Variants in FAM120A observed in about 807,000 individuals in gnomAD.
FAM120A encodes the protein family with sequence similarity 120 member A, also known as constitutive coactivator of PPAR-gamma-like protein 1.
Under a neutral mutation model 109.7 loss-of-function variants are expected in FAM120A, and 15 were observed. The observed-to-expected ratio is 0.14, with a 90% CI of 0.09 to 0.21. The LOEUF is 0.21. Among genes scored for constraint, FAM120A ranks in the 10% least tolerant of loss-of-function variants. The pLI, the probability that FAM120A is intolerant of heterozygous loss-of-function variation, is 1.00. For synonymous variants in FAM120A, 493 were observed against 572.8 expected (o/e 0.86, Z 1.99); for missense variants, 899 against 1,439.3 (o/e 0.62, Z 6.07).
intron 11 of FAM120A, among the ~76,000 whole-genome samples, chr9:93,549,390 A>AGTTAAAGTGTGTAAG (rs1564357534): frequency 6.6e-6 from 1 of 152,250 alleles, no homozygotes; most frequent in Non-Finnish European, 1.5e-5. Flanking sequence ...ACAGTAGATG[A>AGTTAAAGTGTGTAAG]GTTAAAGTGT....
At chr9:93,476,136 A>G in intron 2 of FAM120A, 120 bp from the exon 3 acceptor site, 1 of 632,900 alleles carries the variant, frequency 1.6e-6, no homozygotes, top group South Asian at 1.9e-5. Context: ...AGAGATGAAG[A>G]TTTGTTCTCA....
chr9:93,484,623 G>A (rs1858956741), intron 3 of FAM120A, among the ~76,000 whole-genome samples: 1 of 152,100 alleles, frequency 6.6e-6, no homozygotes. Context: ...ACCCAGGCTG[G>A]AGTGCAGTGG....
intron 11 of FAM120A, among the ~76,000 whole-genome samples, chr9:93,546,151 C>T (rs1300767523): frequency 6.6e-6 from 1 of 152,086 alleles, no homozygotes; most frequent in Non-Finnish European, 1.5e-5. Flanking sequence ...CAATTAAAGA[C>T]ATGTTTTTAT....
intron 1 of FAM120A, among the ~76,000 whole-genome samples, chr9:93,464,588 G>A (rs183780344): frequency 3.3e-5 from 5 of 152,284 alleles, no homozygotes; most frequent in East Asian, 1.9e-4. Flanking sequence ...AATGCTCCTC[G>A]GGGTTGTTTA....
intron 3 of FAM120A, among the ~76,000 whole-genome samples, chr9:93,480,932 T>G (rs1474232352): frequency 1.3e-5 from 2 of 152,190 alleles, no homozygotes; most frequent in Non-Finnish European, 2.9e-5. Flanking sequence ...CAGTGTTGCA[T>G]GAGAGAAATG....
chr9:93,564,034 G>T (rs552519405), intron 17 of FAM120A, among the ~76,000 whole-genome samples, 195 bp from the exon 18 acceptor site: 2 of 152,342 alleles, frequency 1.3e-5, no homozygotes, highest in South Asian at 4.1e-4. Context: ...GAGGGAAGGG[G>T]CCATGGAGGG....
chr9:93,551,263 C>G (rs1357729475), intron 12 of FAM120A, among the ~76,000 whole-genome samples: 1 of 152,072 alleles, frequency 6.6e-6, no homozygotes, highest in African/African-American at 2.4e-5. Context: ...TCTAGTAATT[C>G]CTTTTGTTCT....
rs562144485 is a variant in FAM120A at position 93,540,964 on chromosome 9, T to A, written c.1910-2258T>A. 2.0e-5 allele frequency among the ~76,000 whole-genome samples: 3 copies of A among 151,872 alleles called. No individual in the cohort carries two copies. The South Asian group carries it at 6.2e-4, about 32-fold the overall frequency. On this transcript the variant is annotated intron_variant, in intron 10 of 17. Coordinates refer to ENST00000277165, the MANE Select transcript of FAM120A (RefSeq NM_014612.5). ...AAAAATGAAAAAGTTAAAGGCCAAT[T>A]TAGTAAGAATGCCTCTCTTTATAAC...
At position 93,561,222 on chromosome 9, in the gene FAM120A, G is replaced by T. The variant is rs754873227; in HGVS notation, c.2920G>T (p.Val974Leu). 1.2e-6 allele frequency: 2 copies of T among 1,613,074 alleles called. No individual in the cohort carries two copies. Among genetic ancestry groups the T allele is most frequent in the Non-Finnish European group, 1.7e-6 (2 of 1,179,734 alleles). Residue 974 changes from valine (V) to leucine (L), a missense_variant, in exon 16 of 18, where the codon GTG becomes TTG. Val to Leu is a conservative substitution (Grantham distance 32). Around this residue, in one of 11 missense-constraint regions of FAM120A, gnomAD observed 170 missense variants for 205.0 expected, o/e 0.83. Transcript: ENST00000277165. The stretch of plus-strand genomic sequence containing the variant: ...GGGCCGGGGGCCTTTCCCCCTGCAG[G>T]TGGTTTCTGTCGGAGGACCAGCTAG... Reference protein sequence around the residue: ...RGGRGPFPLQVVSVGGPARGR... With the variant: ...RGGRGPFPLQLVSVGGPARGR...
chr9:93,510,952 A>G (rs397834984), intron 5 of FAM120A, among the ~76,000 whole-genome samples: 14 of 151,784 alleles, frequency 9.2e-5, no homozygotes, highest in African/African-American at 1.7e-4. Context: ...TCAGGGATGG[A>G]AAGGATTTGG....
intron 1 of FAM120A, among the ~76,000 whole-genome samples, chr9:93,464,301 G>A (rs1857918504): frequency 6.6e-6 from 1 of 152,186 alleles, no homozygotes; most frequent in Non-Finnish European, 1.5e-5. Context: ...TAAAACTACT[G>A]AGATAAAAAG....
At chr9:93,524,005 A>G (rs936135284) in intron 7 of FAM120A, among the ~76,000 whole-genome samples, 6 of 152,244 alleles carry the variant, frequency 3.9e-5, no homozygotes, top group Non-Finnish European at 7.3e-5. Flanking sequence ...GCATCTGTCC[A>G]GCCAGGCTGA....
intron 5 of FAM120A, among the ~76,000 whole-genome samples, chr9:93,503,268 G>A (rs1388774101): frequency 1.3e-5 from 2 of 152,072 alleles, no homozygotes; most frequent in East Asian, 1.9e-4. Flanking sequence ...TTATGTCTAC[G>A]CAAAAACCTG....
chr9:93,491,671 C>T (rs1020308189), intron 3 of FAM120A, among the ~76,000 whole-genome samples: 6 of 152,122 alleles, frequency 3.9e-5, no homozygotes, highest in African/African-American at 1.2e-4. Context: ...ATTTCAGTCA[C>T]AGTTAGTGAA....
chr9:93,504,649 G>C (rs920504466), intron 5 of FAM120A, among the ~76,000 whole-genome samples: 1 of 151,988 alleles, frequency 6.6e-6, no homozygotes, highest in East Asian at 1.9e-4. Flanking sequence ...TTTTAATGCT[G>C]TGCAGCATTC....
At chr9:93,468,888 A>G (rs1588792596) in intron 1 of FAM120A, among the ~76,000 whole-genome samples, 1 of 152,344 alleles carries the variant, frequency 6.6e-6, no homozygotes, top group South Asian at 2.1e-4. Flanking sequence ...CTGTTTTACA[A>G]TACTGACAGC....
At chr9:93,523,834 C>T (rs1024726295) in intron 7 of FAM120A, among the ~76,000 whole-genome samples, 2 of 152,258 alleles carry the variant, frequency 1.3e-5, no homozygotes, top group African/African-American at 4.8e-5. Context: ...GTGAAGGAAA[C>T]TGAATGTGTG....
chr9:93,475,779 C>T (rs1858522936), intron 2 of FAM120A, among the ~76,000 whole-genome samples: 1 of 152,156 alleles, frequency 6.6e-6, no homozygotes. Flanking sequence ...ATGTTACAAT[C>T]AGCAGTCATT....
intron 2 of FAM120A, among the ~76,000 whole-genome samples, chr9:93,475,616 G>A (rs1197091008): frequency 2.0e-5 from 3 of 152,174 alleles, no homozygotes; most frequent in Non-Finnish European, 4.4e-5. Flanking sequence ...CCCAAATATA[G>A]TTTCTCAATT....
Sources: gnomAD v4.1 joint callset for allele counts (sites outside exome capture counted in the v4.1 genomes callset) on GRCh38, gnomAD v4.1.1 for gene constraint, gnomAD v4.1.1 regional missense constraint, MANE v1.5 for transcripts, NCBI Gene and HGNC (gene_info 2026-07-23, HGNC 2026-07-21) for gene names.